Variants in DIAPH2 observed in about 807,000 individuals in gnomAD.
DIAPH2 encodes protein diaphanous homolog 2.
In DIAPH2, 35 loss-of-function variants were observed where a neutral mutation model predicts 92.7. The ratio of observed to expected loss-of-function variants is 0.38; its 90% CI spans 0.29 to 0.50. The LOEUF (loss-of-function observed/expected upper bound fraction) is 0.50. Among genes scored for constraint, DIAPH2 ranks in the 20% least tolerant of loss-of-function variants. The pLI is 0.94. For missense variants in DIAPH2, 701 were observed against 819.5 expected (o/e 0.86, Z 1.77); for synonymous variants, 301 against 280.4 (o/e 1.07, Z -0.73).
rs377161182 is a variant in DIAPH2, at chrX:97,570,880, G to C, written c.3242-28373G>C. On this transcript the variant is annotated intron_variant, in intron 26 of 26. Transcript: ENST00000324765. ...TTAGCTTATGTAGATCAAAATGCAA[G>C]GACAGAACCTAATCCCTCCTCTTCC... Among the ~76,000 whole-genome samples, 15 of 111,583 alleles carry C rather than the reference G, an allele frequency of 1.3e-4. No homozygotes were observed. In the East Asian group the frequency reaches 2.0e-3, roughly 15 times the overall value.
chrX:97,444,074 G>A (rs1362993824), intron 26 of DIAPH2, among the ~76,000 whole-genome samples: 2 of 111,662 alleles, frequency 1.8e-5, no homozygotes, highest in African/African-American at 3.3e-5. Flanking sequence ...GATCTTTCTC[G>A]TTTAAGGGTT....
intron 26 of DIAPH2, among the ~76,000 whole-genome samples, chrX:97,447,633 A>T (rs1602596058): frequency 9.0e-6 from 1 of 111,466 alleles, no homozygotes. Flanking sequence ...ACCTCTAGAG[A>T]TGGTGGGTGG....
intron 17 of DIAPH2, among the ~76,000 whole-genome samples, chrX:97,060,685 G>T (rs955541155): frequency 9.0e-6 from 1 of 111,528 alleles, no homozygotes; most frequent in Non-Finnish European, 1.9e-5. Context: ...ATTAATAAGA[G>T]GTGCACAGTG....
chrX:97,062,417 AG>A (rs776087200), intron 17 of DIAPH2, among the ~76,000 whole-genome samples: 3 of 112,113 alleles, frequency 2.7e-5, no homozygotes, highest in African/African-American at 9.7e-5. Context: ...TAAGAGGTAC[AG>A]GTCCTGAGGC....
At chrX:97,478,194 T>A (rs1016223538) in intron 26 of DIAPH2, among the ~76,000 whole-genome samples, 9 of 112,149 alleles carry the variant, frequency 8.0e-5, no homozygotes, top group African/African-American at 2.6e-4. Flanking sequence ...AGAAGCATGA[T>A]ATGCATACAC....
intron 9 of DIAPH2, among the ~76,000 whole-genome samples, chrX:96,922,502 T>G (rs2065552650): frequency 9.0e-6 from 1 of 111,626 alleles, no homozygotes; most frequent in African/African-American, 3.2e-5. Context: ...AACAATTTCC[T>G]AATTAGTACC....
At chrX:97,176,198 C>A (rs1351067512) in intron 22 of DIAPH2, among the ~76,000 whole-genome samples, 3 of 112,097 alleles carry the variant, frequency 2.7e-5, no homozygotes, top group Admixed American at 9.4e-5. Context: ...AAACATTGTT[C>A]TTAGGAATGG....
intron 13 of DIAPH2, among the ~76,000 whole-genome samples, chrX:96,945,142 T>C (rs1384073204): frequency 9.0e-6 from 1 of 111,089 alleles, no homozygotes; most frequent in Non-Finnish European, 1.9e-5. Flanking sequence ...AGGACAATTT[T>C]GAATCTTGCT....
chrX:97,140,925 T>G (rs1275187206), intron 21 of DIAPH2, among the ~76,000 whole-genome samples: 2 of 111,748 alleles, frequency 1.8e-5, no homozygotes, highest in African/African-American at 6.5e-5. Flanking sequence ...ATGCTGTATT[T>G]ATGCTTTGTT....
intron 24 of DIAPH2, among the ~76,000 whole-genome samples, chrX:97,354,308 C>A (rs1393692844): frequency 1.5e-4 from 17 of 112,200 alleles, no homozygotes; most frequent in Non-Finnish European, 2.6e-4. Flanking sequence ...ACAAAAGAAA[C>A]CAAACAAGAT....
intron 26 of DIAPH2, among the ~76,000 whole-genome samples, chrX:97,562,714 A>G (rs898848432): frequency 1.8e-5 from 2 of 111,585 alleles, no homozygotes; most frequent in Non-Finnish European, 3.8e-5. Context: ...GACAAAAGTG[A>G]ACTGTGTTCA....
chrX:97,587,359 T>C (rs2071486011), intron 26 of DIAPH2, among the ~76,000 whole-genome samples: 1 of 111,218 alleles, frequency 9.0e-6, no homozygotes, highest in South Asian at 3.8e-4. Flanking sequence ...AATCTCTTTC[T>C]ACCCTAAAGG....
At chrX:96,721,235 T>C (rs2063986698) in intron 1 of DIAPH2, among the ~76,000 whole-genome samples, 1 of 112,252 alleles carries the variant, frequency 8.9e-6, no homozygotes, top group East Asian at 2.8e-4. Flanking sequence ...TATGGGTGTA[T>C]CTAATCTTCT....
chrX:96,712,503 T>A (rs2063924839), intron 1 of DIAPH2, among the ~76,000 whole-genome samples: 1 of 111,157 alleles, frequency 9.0e-6, no homozygotes, highest in Non-Finnish European at 1.9e-5. Flanking sequence ...TTAACTCTTT[T>A]GTTTTGTCTG....
At chrX:96,950,721 T>C (rs2065769324) in intron 15 of DIAPH2, among the ~76,000 whole-genome samples, 1 of 111,778 alleles carries the variant, frequency 8.9e-6, no homozygotes, top group Non-Finnish European at 1.9e-5. Context: ...CTCCAGCCTT[T>C]AATATGTTCA....
At chrX:96,836,703 ATATATATATATATATTTTTTT>A in intron 4 of DIAPH2, among the ~76,000 whole-genome samples, 1 of 20,672 alleles carries the variant, frequency 4.8e-5, no homozygotes. Flanking sequence ...ATATATATAT[ATATATATATATATATTTTTTT>A]TTTTTTTTTT....
At chrX:97,298,554 G>A (rs1468485316) in intron 23 of DIAPH2, among the ~76,000 whole-genome samples, 3 of 106,564 alleles carry the variant, frequency 2.8e-5, no homozygotes, top group African/African-American at 1.0e-4. Flanking sequence ...CATCTATGCA[G>A]TTACAGATTT....
rs141349987 is a variant in DIAPH2 at position 96,689,811 on chromosome X, C to G, written c.132+4621C>G. ...TCTCTGCAAATATTTTAAACTGCCT[C>G]TGGGAATGGGTCCCATTTTATGTCT... On this transcript the variant is annotated intron_variant, in intron 1 of 26. Coordinates refer to ENST00000324765, the MANE Select transcript of DIAPH2 (RefSeq NM_006729.5). Among the ~76,000 whole-genome samples the G allele has an allele frequency of 5.8e-3, 648 of 111,190 alleles. 4 individuals are homozygous for G. The highest frequency in any genetic ancestry group is 0.035 in the Admixed American group (363 of 10,359).
At chrX:97,480,418 C>A (rs1169414783) in intron 26 of DIAPH2, among the ~76,000 whole-genome samples, 1 of 111,502 alleles carries the variant, frequency 9.0e-6, no homozygotes, top group East Asian at 2.8e-4. Flanking sequence ...TGAGAGAATA[C>A]ATTTCTGTTA....
Sources: gnomAD v4.1 joint callset for allele counts (sites outside exome capture counted in the v4.1 genomes callset) on GRCh38, gnomAD v4.1.1 for gene constraint, MANE v1.5 for transcripts, NCBI Gene and HGNC (gene_info 2026-07-23, HGNC 2026-07-21) for gene names.